Variants in ATP13A3 observed in about 807,000 individuals in gnomAD.
The protein encoded by ATP13A3 is ATPase 13A3.
A neutral mutation model predicts 158.1 loss-of-function variants in ATP13A3; 59 were observed. That is an observed-to-expected ratio of 0.37 (90% confidence interval 0.30 to 0.46). The LOEUF is 0.46. ATP13A3 is among the 20% of genes least tolerant of loss of function. The probability of loss-of-function intolerance (pLI) is 1.00; values close to 1 mark genes in which losing one functional copy is unlikely to be tolerated. For synonymous variants in ATP13A3, 491 were observed against 504.3 expected (o/e 0.97, Z 0.35); for missense variants, 1,166 against 1,525.2 (o/e 0.76, Z 3.92).
At chr3:194,428,231 A>AAAAAAAAAAG (rs557252872) in intron 28 of ATP13A3, among the ~76,000 whole-genome samples, 23 of 141,810 alleles carry the variant, frequency 1.6e-4, no homozygotes, top group African/African-American at 4.8e-4. Flanking sequence ...AAAAAAAAAA[A>AAAAAAAAAAG]AAAAAAGAAA....
intron 22 of ATP13A3, 35 bp downstream of exon 22, chr3:194,431,682 C>G (rs374195974): frequency 1.4e-6 from 2 of 1,457,608 alleles, no homozygotes; most frequent in Non-Finnish European, 1.8e-6. Flanking sequence ...TTTAAATCAA[C>G]AAACTTTAAA....
At chr3:194,480,054 A>G (rs1195441142) in intron 2 of ATP13A3, among the ~76,000 whole-genome samples, 1 of 152,192 alleles carries the variant, frequency 6.6e-6, no homozygotes, top group Admixed American at 6.5e-5. Flanking sequence ...ACAAAGAGCA[A>G]TCATCAATCA....
At chr3:194,472,078 C>T (rs1720332677) in intron 2 of ATP13A3, 1 of 152,686 alleles carries the variant, frequency 6.5e-6, no homozygotes, top group African/African-American at 2.4e-5. Context: ...ATTACAACAT[C>T]CAGAGTCAAC....
upstream of ATP13A3, among the ~76,000 whole-genome samples, chr3:194,489,170 C>T (rs1026876437): frequency 3.3e-5 from 5 of 152,186 alleles, no homozygotes; most frequent in African/African-American, 7.2e-5. This position sits in a 1 kb window ranked among gnomAD's most constrained non-coding sequence, Gnocchi z 4.1. Flanking sequence ...GTGGGCTGGG[C>T]GCAGTGGCTC....
intron 2 of ATP13A3, among the ~76,000 whole-genome samples, chr3:194,467,132 T>C (rs1409817974): frequency 7.2e-5 from 11 of 152,236 alleles, no homozygotes; most frequent in Non-Finnish European, 1.0e-4. Flanking sequence ...GTAGAATGTA[T>C]GTATAAATAG....
At chr3:194,493,226 A>G (rs1239839745) in intron 2 of ATP13A3, among the ~76,000 whole-genome samples, 1 of 152,084 alleles carries the variant, frequency 6.6e-6, no homozygotes. Context: ...TTATCACTGT[A>G]GACCCAGCAC....
intron 2 of ATP13A3, among the ~76,000 whole-genome samples, chr3:194,484,481 C>T (rs1720886144): frequency 6.6e-6 from 1 of 152,056 alleles, no homozygotes; most frequent in South Asian, 2.1e-4. Context: ...AGGACATAGG[C>T]ACTATATCAT....
intron 14 of ATP13A3, 46 bp from the exon 15 acceptor site, chr3:194,444,832 C>T (rs1560094027): frequency 2.9e-6 from 4 of 1,396,996 alleles, no homozygotes; most frequent in African/African-American, 1.5e-5. Context: ...GATGATGCCT[C>T]AAAAAAAAAC....
At position 194,486,749 on chromosome 3, in the gene ATP13A3, CGGCGGGG is replaced by C. The variant is rs1340883046; in HGVS notation, c.-279_-273del. On this transcript the variant is annotated 5_prime_UTR_variant, in exon 1 of 34. Coordinates refer to ENST00000645319, the MANE Select transcript of ATP13A3 (RefSeq NM_001367549.1). The stretch of plus-strand genomic sequence containing the variant: ...CTCAGGGTGAGGGAAGGAGGCGCCG[CGGCGGGG>C]CCGGGCCGGCCCTGGGACGTCCGCG... 6.6e-6 allele frequency: 1 copy of C among 150,598 alleles called. No individual in the cohort carries two copies. Among genetic ancestry groups the C allele is most frequent in the East Asian group, 2.0e-4 (1 of 5,122 alleles). The allele number at this position is 150,598 out of a possible 1,614,324, so 9.3% of individuals were successfully genotyped here.
intron 33 of ATP13A3, among the ~76,000 whole-genome samples, chr3:194,410,296 C>CTAAAAA (rs1715271575): frequency 4.6e-5 from 1 of 21,806 alleles, no homozygotes; most frequent in Non-Finnish European, 7.7e-5. Flanking sequence ...CTCCTCTCTG[C>CTAAAAA]AAAAAAAAAA....
chr3:194,457,984 C>T (rs902495784), intron 6 of ATP13A3, among the ~76,000 whole-genome samples: 7 of 152,000 alleles, frequency 4.6e-5, no homozygotes, highest in African/African-American at 1.7e-4. Context: ...AGGGGTTTCA[C>T]CACGTTGGCC....
chr3:194,430,887 T>C, intron 24 of ATP13A3, 56 bp downstream of exon 24: 1 of 1,364,924 alleles, frequency 7.3e-7, no homozygotes, highest in Non-Finnish European at 1.0e-6. Flanking sequence ...TTTCTGATGC[T>C]GAAATGAAAC....
At chr3:194,420,915 T>A (rs1343093150) in intron 30 of ATP13A3, among the ~76,000 whole-genome samples, 1 of 150,770 alleles carries the variant, frequency 6.6e-6, no homozygotes, top group Non-Finnish European at 1.5e-5. Flanking sequence ...AAAAACTTTA[T>A]CATGAAGCCT....
chr3:194,430,602 G>A (rs1717145252), intron 24 of ATP13A3, among the ~76,000 whole-genome samples: 1 of 152,140 alleles, frequency 6.6e-6, no homozygotes, highest in Non-Finnish European at 1.5e-5. Flanking sequence ...TGTGCCTACA[G>A]TCTTTAGTAT....
chr3:194,426,974 C>A, intron 29 of ATP13A3, 101 bp downstream of exon 29: 2 of 1,316,226 alleles, frequency 1.5e-6, no homozygotes, highest in Non-Finnish European at 2.1e-6. Flanking sequence ...TGTGAGCCAC[C>A]GCACCTGGCA....
chr3:194,489,235 A>G (rs1015692319), upstream of ATP13A3, among the ~76,000 whole-genome samples: 7 of 151,996 alleles, frequency 4.6e-5, no homozygotes, highest in African/African-American at 1.7e-4. This position sits in a 1 kb window ranked among gnomAD's most constrained non-coding sequence, Gnocchi z 4.1. Flanking sequence ...ACACGAGGTC[A>G]GGAGTTCAAG....
chr3:194,454,189 T>A, intron 9 of ATP13A3, 69 bp downstream of exon 9: 1 of 1,427,752 alleles, frequency 7.0e-7, no homozygotes, highest in Non-Finnish European at 9.7e-7. Flanking sequence ...TGAGTACTAT[T>A]CTACACACAT....
At chr3:194,484,306 T>C (rs546340604) in intron 2 of ATP13A3, among the ~76,000 whole-genome samples, 1 of 152,320 alleles carries the variant, frequency 6.6e-6, no homozygotes, top group Admixed American at 6.5e-5. Context: ...TGAGACCATA[T>C]GTAAAGAAAG....
At chr3:194,418,264 G>A (rs542096825) in intron 31 of ATP13A3, among the ~76,000 whole-genome samples, 8 of 151,858 alleles carry the variant, frequency 5.3e-5, no homozygotes, top group East Asian at 3.9e-4. Flanking sequence ...GGACAAGTCC[G>A]CCAAACTGAG....
Sources: gnomAD v4.1 joint callset for allele counts (sites outside exome capture counted in the v4.1 genomes callset) on GRCh38, gnomAD v4.1.1 for gene constraint, Gnocchi (gnomAD v3.1) non-coding constraint, MANE v1.5 for transcripts, NCBI Gene and HGNC (gene_info 2026-07-23, HGNC 2026-07-21) for gene names.